The following DNAH3 variants were observed in gnomAD, a reference collection of about 807,000 sequenced individuals.
The protein encoded by DNAH3 is axonemal beta dynein heavy chain 3.
Under a neutral mutation model 432.5 loss-of-function variants are expected in DNAH3, and 332 were observed. The ratio of observed to expected loss-of-function variants is 0.77; its 90% CI spans 0.70 to 0.84. The LOEUF (loss-of-function observed/expected upper bound fraction) is 0.84, where lower values mean the gene tolerates loss of function less well. Ranked by LOEUF, DNAH3 falls within the 40% of genes least tolerant of loss-of-function variation. The pLI, the probability that DNAH3 is intolerant of heterozygous loss-of-function variation, is 0.00. For synonymous variants in DNAH3, 1,956 were observed against 1,900.2 expected (o/e 1.03, Z -0.76); for missense variants, 4,861 against 5,114.0 (o/e 0.95, Z 1.51).
chr16:21,058,062 T>C (rs1482138889), intron 27 of DNAH3, 24 bp downstream of exon 27: 1 of 1,313,476 alleles, frequency 7.6e-7, no homozygotes, highest in East Asian at 2.3e-5. Flanking sequence ...ATCTCTTCTG[T>C]AACTTTGCAG....
chr16:21,113,434 A>G (rs1251525179), intron 12 of DNAH3, among the ~76,000 whole-genome samples: 1 of 151,758 alleles, frequency 6.6e-6, no homozygotes, highest in African/African-American at 2.4e-5. Flanking sequence ...GACACTCAGT[A>G]TTAACCATCA....
At chr16:20,938,412 TG>T (rs1555504722) in intron 59 of DNAH3, among the ~76,000 whole-genome samples, 1 of 147,396 alleles carries the variant, frequency 6.8e-6, no homozygotes. Context: ...AAAAAAGGAA[TG>T]TAAAATTCAG....
chr16:21,081,150 C>T (rs1403980054), intron 20 of DNAH3, among the ~76,000 whole-genome samples: 1 of 152,014 alleles, frequency 6.6e-6, no homozygotes, highest in East Asian at 1.9e-4. Flanking sequence ...AACTCCTGAC[C>T]TCAAGTGGTC....
In DNAH3 at chr16:21,017,453, C is replaced by G. The variant is rs369191417; in HGVS notation, c.6022+2171G>C. Among the ~76,000 whole-genome samples, 216 of 152,268 alleles carry G rather than the reference C, an allele frequency of 1.4e-3. 8 individuals carry two copies. The South Asian group carries it at 0.044, about 31-fold the overall frequency. On this transcript the variant is annotated intron_variant, in intron 41 of 61. Transcript: ENST00000261383. ...TTTTGGAGAGGCTAATCAGAAAACT[C>G]AAAAGAATGCAACCATTTCTCTCTT...
intron 32 of DNAH3, 101 bp from the exon 33 acceptor site, chr16:21,040,044 C>A: frequency 2.1e-6 from 2 of 955,552 alleles, no homozygotes; most frequent in Non-Finnish European, 3.3e-6. Flanking sequence ...TTCATTCAGG[C>A]CACTCCAGTG....
At chr16:20,977,054 A>C (rs947718215) in intron 50 of DNAH3, among the ~76,000 whole-genome samples, 3 of 152,144 alleles carry the variant, frequency 2.0e-5, no homozygotes, top group Admixed American at 6.6e-5. Context: ...ACCACCTCTC[A>C]TGAGGGTTGT....
rs916564945 is a variant in DNAH3, at chr16:20,975,353, T to C, written c.8139A>G (p.Glu2713=). The change falls in exon 51 of 62, where the codon GAA becomes GAG. Residue 2713 remains glutamate, a synonymous_variant. Coordinates refer to ENST00000261383, the Ensembl canonical transcript of DNAH3. ...CAATTTTCACCATCATCTTGGCAGT[T>C]TCCTCGGAGGTGAGGATGAGTTGAG... The C allele has an allele frequency of 5.0e-6, 8 of 1,614,070 alleles. No homozygotes were observed. In the African/African-American group the frequency reaches 5.3e-5, roughly 11 times the overall value.
intron 57 of DNAH3, among the ~76,000 whole-genome samples, chr16:20,946,281 A>G (rs1203973557): frequency 6.6e-6 from 1 of 152,194 alleles, no homozygotes; most frequent in African/African-American, 2.4e-5. Flanking sequence ...CTTTCTATTG[A>G]TAACTCTTTC....
At chr16:21,013,027 A>G (rs1051566555) in intron 41 of DNAH3, among the ~76,000 whole-genome samples, 1 of 152,184 alleles carries the variant, frequency 6.6e-6, no homozygotes. Flanking sequence ...GGCCTCCTAA[A>G]GTGCTGGGAT....
chr16:21,007,802 T>C lies in DNAH3; in HGVS notation c.6023-4595A>G, dbSNP rs548386875. Among the ~76,000 whole-genome samples, 10 of 152,338 alleles carry C rather than the reference T, an allele frequency of 6.6e-5. 1 individual carries two copies. In the East Asian group the frequency reaches 1.5e-3, roughly 23 times the overall value. ...TCCAAATCATAAAAATGTGCATCTA[T>C]GTTTTCTTCTAAGAGTTTTATAGTT... On this transcript the variant is annotated intron_variant, in intron 41 of 61. Transcript: ENST00000261383.
intron 2 of DNAH3, among the ~76,000 whole-genome samples, chr16:21,145,655 C>G (rs1200466663): frequency 6.6e-6 from 1 of 152,222 alleles, no homozygotes; most frequent in Non-Finnish European, 1.5e-5. Context: ...ATTGACATCT[C>G]TGGTCTTTAT....
exon 51 of DNAH3, chr16:20,975,250 T>C (rs1404941486): frequency 1.9e-6 from 3 of 1,613,570 alleles, no homozygotes; most frequent in East Asian, 2.2e-5. Context: ...CCTTGGGCAA[T>C]GGCAGCAGCA....
At chr16:21,031,905 G>A (rs900579138) in intron 36 of DNAH3, among the ~76,000 whole-genome samples, 2 of 152,124 alleles carry the variant, frequency 1.3e-5, no homozygotes, top group African/African-American at 2.4e-5. Context: ...GCGCATGCCT[G>A]TAAACCCAGC....
At chr16:20,933,169 G>C in exon 62 of DNAH3, 1 of 1,612,902 alleles carries the variant, frequency 6.2e-7, no homozygotes, top group South Asian at 1.1e-5. Flanking sequence ...TATCCAGCTG[G>C]CACAGTGAGG....
intron 2 of DNAH3, 21 bp downstream of exon 3, chr16:21,145,963 C>CT (rs2092777822): frequency 6.7e-7 from 1 of 1,499,448 alleles, no homozygotes; most frequent in Admixed American, 1.7e-5. Flanking sequence ...AACAGAAGAG[C>CT]TGGCAGCCAG....
chr16:21,114,794 G>T (rs1337851400), intron 12 of DNAH3, among the ~76,000 whole-genome samples: 1 of 152,164 alleles, frequency 6.6e-6, no homozygotes, highest in Non-Finnish European at 1.5e-5. Flanking sequence ...CTGTTGGTGG[G>T]ACTGTAAACT....
At chr16:20,947,582 T>C (rs986894840) in intron 57 of DNAH3, among the ~76,000 whole-genome samples, 1 of 152,052 alleles carries the variant, frequency 6.6e-6, no homozygotes, top group Non-Finnish European at 1.5e-5. Flanking sequence ...GTAGATGGTA[T>C]TGGAATTGAA....
At chr16:21,026,120 T>C (rs1357357275) in intron 38 of DNAH3, among the ~76,000 whole-genome samples, 1 of 152,074 alleles carries the variant, frequency 6.6e-6, no homozygotes, top group Non-Finnish European at 1.5e-5. Context: ...TTTGTACAGA[T>C]CTCCTGTTGC....
In DNAH3 at chr16:20,994,916, G is replaced by T. The variant is rs528642640; in HGVS notation, c.6601+2367C>A. ...TTATTTGCCGTGTTTATTCTTTCTT[G>T]TGTTCCTCCTAGTTTTTGGTTTCAT... On this transcript the variant is annotated intron_variant, in intron 44 of 61. Coordinates refer to ENST00000261383, the Ensembl canonical transcript of DNAH3. 8.6e-5 allele frequency among the ~76,000 whole-genome samples: 13 copies of T among 150,836 alleles called. No individual in the cohort carries two copies. In the South Asian group the frequency reaches 2.7e-3, roughly 32 times the overall value.
Sources: gnomAD v4.1 joint callset for allele counts (sites outside exome capture counted in the v4.1 genomes callset) on GRCh38, gnomAD v4.1.1 for gene constraint, MANE v1.5 for transcripts, NCBI Gene and HGNC (gene_info 2026-07-23, HGNC 2026-07-21) for gene names.